FAM107B: variants seen among roughly 807,000 people sequenced by gnomAD.
FAM107B encodes protein FAM107B.
Under a neutral mutation model 31.5 loss-of-function variants are expected in FAM107B, and 21 were observed. The ratio of observed to expected loss-of-function variants is 0.67; its 90% CI spans 0.47 to 0.96. The LOEUF (loss-of-function observed/expected upper bound fraction) is 0.96. Ranked by LOEUF, FAM107B falls within the 40% of genes least tolerant of loss-of-function variation. The probability of loss-of-function intolerance (pLI) is 0.00; values close to 1 mark genes in which losing one functional copy is unlikely to be tolerated. For synonymous variants in FAM107B, 157 were observed against 141.5 expected, an observed-to-expected ratio of 1.11 and a Z score of -0.78; for missense variants, 452 against 377.1, an observed-to-expected ratio of 1.20 and a Z score of -1.64.
chr10:14,694,639 C>T (rs958547868), intron 1 of FAM107B, among the ~76,000 whole-genome samples: 11 of 152,238 alleles, frequency 7.2e-5, no homozygotes, highest in Admixed American at 2.6e-4. Context: ...CTGCCTCAGC[C>T]TCCCAAAGTG....
At chr10:14,738,093 G>A (rs927499477) in intron 1 of FAM107B, among the ~76,000 whole-genome samples, 3 of 152,136 alleles carry the variant, frequency 2.0e-5, no homozygotes, top group Non-Finnish European at 2.9e-5. Context: ...ACGTACAAAT[G>A]TACAGCAGCC....
intron 1 of FAM107B, among the ~76,000 whole-genome samples, chr10:14,761,011 C>CAAAAAAAAAAAAAAAA (rs565835423): frequency 1.3e-5 from 1 of 77,628 alleles, no homozygotes; most frequent in Non-Finnish European, 2.7e-5. Context: ...GACTCCGTTT[C>CAAAAAAAAAAAAAAAA]AAAAAAAAAA....
chr10:14,750,098 A>G (rs934703283), intron 1 of FAM107B, among the ~76,000 whole-genome samples: 2 of 152,176 alleles, frequency 1.3e-5, no homozygotes, highest in African/African-American at 2.4e-5. Context: ...GAAGAACAAT[A>G]TGGAGGCAAA....
chr10:14,572,509 A>G, intron 2 of FAM107B: 3 of 544,680 alleles, frequency 5.5e-6, no homozygotes, highest in Non-Finnish European at 7.0e-6. Context: ...GATTCATGGC[A>G]TCACAGCCCA....
intron 3 of FAM107B, among the ~76,000 whole-genome samples, chr10:14,522,414 ATTT>A (rs57308938): frequency 1.4e-5 from 2 of 141,626 alleles, no homozygotes; most frequent in Non-Finnish European, 3.1e-5. Context: ...CTAGCCCCTG[ATTT>A]TTTTTTTTTT....
intron 1 of FAM107B, among the ~76,000 whole-genome samples, chr10:14,739,798 G>A (rs758939636): frequency 5.9e-5 from 9 of 152,168 alleles, no homozygotes; most frequent in African/African-American, 1.4e-4. Context: ...GAGAGACACC[G>A]TGAAGTGAAT....
At chr10:14,615,367 A>G (rs765770126) in intron 2 of FAM107B, among the ~76,000 whole-genome samples, 2 of 152,214 alleles carry the variant, frequency 1.3e-5, no homozygotes, top group Non-Finnish European at 1.5e-5. Flanking sequence ...ATAATTTTCT[A>G]TAAGCTGATA....
intron 1 of FAM107B, among the ~76,000 whole-genome samples, chr10:14,762,634 T>C (rs1389560111): frequency 6.6e-6 from 1 of 151,850 alleles, no homozygotes; most frequent in African/African-American, 2.4e-5. Context: ...CACACACCTG[T>C]AATCTCAGCT....
intron 2 of FAM107B, among the ~76,000 whole-genome samples, chr10:14,532,989 C>T (rs529532754): frequency 4.6e-5 from 7 of 152,002 alleles, no homozygotes; most frequent in South Asian, 2.1e-4. Flanking sequence ...TGGCAAAGCG[C>T]GAGGCTGGCT....
chr10:14,761,034 A>AAAAAAAAAAAAAAAC (rs1554757192), intron 1 of FAM107B, among the ~76,000 whole-genome samples: 1 of 146,634 alleles, frequency 6.8e-6, no homozygotes, highest in African/African-American at 2.5e-5. Flanking sequence ...AAAAAAAAAA[A>AAAAAAAAAAAAAAAC]AAGAAAGACA....
intron 1 of FAM107B, among the ~76,000 whole-genome samples, chr10:14,693,009 C>T (rs1855178504): frequency 6.6e-6 from 1 of 152,200 alleles, no homozygotes. Flanking sequence ...TCAGCCTTCA[C>T]TAGGGTCCTC....
At chr10:14,586,841 C>T (rs945606254) in intron 2 of FAM107B, among the ~76,000 whole-genome samples, 1 of 152,206 alleles carries the variant, frequency 6.6e-6, no homozygotes, top group Non-Finnish European at 1.5e-5. Context: ...TCTACCCCCA[C>T]CAGGTTCCTA....
Position 14,611,521 on chromosome 10 carries a change from TATATATA to T in FAM107B, c.469+56106_469+56112del, listed in dbSNP as rs1564599738. Among the ~76,000 whole-genome samples the T allele has an allele frequency of 2.2e-3, 272 of 124,366 alleles. 1 individual carries two copies. The highest frequency in any genetic ancestry group is 8.6e-3 in the African/African-American group (260 of 30,250). 81.6% of individuals were successfully genotyped at this position (124,366 alleles called of 152,430 possible). On this transcript the variant is annotated intron_variant, in intron 2 of 4. Coordinates refer to ENST00000181796, the MANE Select transcript of FAM107B (RefSeq NM_031453.4). Reference sequence around the variant, plus strand: ...ATATATATATATATATATATATATATATATATATTCACCTAACTTCTATTAATTGCAA... The same window carrying T: ...ATATATATATATATATATATATATATTTCACCTAACTTCTATTAATTGCAA...
chr10:14,735,985 G>T (rs1388889724), intron 1 of FAM107B, among the ~76,000 whole-genome samples: 1 of 152,102 alleles, frequency 6.6e-6, no homozygotes, highest in African/African-American at 2.4e-5. Context: ...AATGATTATA[G>T]GTTAAATGCA....
chr10:14,536,404 C>G (rs888009482), intron 2 of FAM107B, among the ~76,000 whole-genome samples: 8 of 152,200 alleles, frequency 5.3e-5, no homozygotes, highest in African/African-American at 1.7e-4. Context: ...CTCTAAGATT[C>G]TGCCAACCCT....
chr10:14,740,997 T>C (rs993443174), intron 1 of FAM107B, among the ~76,000 whole-genome samples: 1 of 152,138 alleles, frequency 6.6e-6, no homozygotes, highest in Non-Finnish European at 1.5e-5. Flanking sequence ...GGAAACGATG[T>C]GTGAAAACTA....
At chr10:14,695,624 G>A (rs999133610) in intron 1 of FAM107B, among the ~76,000 whole-genome samples, 1 of 152,136 alleles carries the variant, frequency 6.6e-6, no homozygotes, top group African/African-American at 2.4e-5. Context: ...CCATGAGCAG[G>A]AGAGATTTTT....
chr10:14,549,359 A>ATTGCTG (rs1054731631), intron 2 of FAM107B, among the ~76,000 whole-genome samples: 4 of 152,244 alleles, frequency 2.6e-5, no homozygotes, highest in Admixed American at 2.6e-4. Flanking sequence ...AGTTTCTTAG[A>ATTGCTG]AGTGCTGAGT....
At chr10:14,690,535 C>A (rs1855107580) in intron 1 of FAM107B, among the ~76,000 whole-genome samples, 1 of 152,090 alleles carries the variant, frequency 6.6e-6, no homozygotes, top group Non-Finnish European at 1.5e-5. Context: ...CTCGCTGCAA[C>A]CTCTACCTCC....
Sources: allele counts gnomAD v4.1 joint callset (sites outside exome capture counted in the v4.1 genomes callset), GRCh38; gene constraint gnomAD v4.1.1; transcripts MANE v1.5; gene names NCBI Gene and HGNC (gene_info 2026-07-23, HGNC 2026-07-21).